Variants in PANK1 observed in about 807,000 individuals in gnomAD.
PANK1 encodes the protein pantothenic acid kinase 1.
A neutral mutation model predicts 40.1 loss-of-function variants in PANK1; 18 were observed. That is an observed-to-expected ratio of 0.45 (90% confidence interval 0.31 to 0.67). The LOEUF (loss-of-function observed/expected upper bound fraction) is 0.67. Ranked by LOEUF, PANK1 falls within the 30% of genes least tolerant of loss-of-function variation. The pLI, the probability that PANK1 is intolerant of heterozygous loss-of-function variation, is 0.06. For missense variants in PANK1, 457 were observed against 599.6 expected (o/e 0.76, Z 2.48); for synonymous variants, 242 against 237.7 (o/e 1.02, Z -0.17).
chr10:89,596,781 A>T (rs1844622709), intron 3 of PANK1, among the ~76,000 whole-genome samples: 1 of 152,256 alleles, frequency 6.6e-6, no homozygotes, highest in Non-Finnish European at 1.5e-5. Flanking sequence ...GAAACCTTCA[A>T]TTAAGTGCTC....
intron 1 of PANK1, among the ~76,000 whole-genome samples, chr10:89,621,011 C>T (rs1845467787): frequency 6.6e-6 from 1 of 152,098 alleles, no homozygotes; most frequent in Non-Finnish European, 1.5e-5. Flanking sequence ...TTAAAAAATT[C>T]CTTGTTAAGG....
At position 89,628,470 on chromosome 10, in the gene PANK1, G is replaced by A. The variant is rs950970923; in HGVS notation, c.292+16130C>T. ...TGATTTCACTCATTTGAAATGTCCA[G>A]AATAAGCAAAACTCTAGAGACAGAA... On this transcript the variant is annotated intron_variant, in intron 1 of 6. Coordinates refer to ENST00000307534, the MANE Select transcript of PANK1 (RefSeq NM_148977.3). Among the ~76,000 whole-genome samples the A allele has an allele frequency of 2.7e-5, 4 of 150,834 alleles. 1 individual carries two copies. The highest frequency in any genetic ancestry group is 5.9e-5 in the Non-Finnish European group (4 of 67,680).
rs1844579024 is a variant in PANK1, at chr10:89,595,869, T to TAA, written c.900-1881_900-1880insTT. 4.3e-5 allele frequency among the ~76,000 whole-genome samples: 5 copies of TAA among 115,452 alleles called. 1 individual carries two copies. Among genetic ancestry groups the TAA allele is most frequent in the Admixed American group, 2.7e-4 (3 of 11,188 alleles). 75.7% of individuals were successfully genotyped at this position (115,452 alleles called of 152,430 possible). On this transcript the variant is annotated intron_variant, in intron 3 of 6. Coordinates refer to ENST00000307534, the MANE Select transcript of PANK1 (RefSeq NM_148977.3). ...ATATATATATATATATATATATATA[T>TAA]ATATAACTTCATTTACTAATATATA... is the stretch of plus-strand genomic sequence containing the variant.
intron 5 of PANK1, among the ~76,000 whole-genome samples, chr10:89,591,217 T>C (rs1177901964): frequency 1.3e-5 from 2 of 152,002 alleles, no homozygotes. Context: ...TAAACAAAGA[T>C]ATATTGTAAT....
intron 1 of PANK1, among the ~76,000 whole-genome samples, chr10:89,639,544 T>C (rs1841913495): frequency 6.6e-6 from 1 of 152,236 alleles, no homozygotes; most frequent in Non-Finnish European, 1.5e-5. Context: ...CCATTATCTC[T>C]ATTCAACAGT....
intron 5 of PANK1, among the ~76,000 whole-genome samples, chr10:89,589,773 A>G (rs1214687065): frequency 6.6e-6 from 1 of 151,984 alleles, no homozygotes; most frequent in Non-Finnish European, 1.5e-5. Context: ...TTCATTAAAA[A>G]AAAAAACAAA....
chr10:89,620,121 C>T (rs1278297479), intron 1 of PANK1, among the ~76,000 whole-genome samples: 2 of 152,110 alleles, frequency 1.3e-5, no homozygotes, highest in Non-Finnish European at 2.9e-5. Context: ...GATGTATATC[C>T]CCTCAGGACC....
At chr10:89,637,532 C>T (rs1251071992) in intron 1 of PANK1, among the ~76,000 whole-genome samples, 1 of 152,074 alleles carries the variant, frequency 6.6e-6, no homozygotes, top group Non-Finnish European at 1.5e-5. Flanking sequence ...CTAAACATAC[C>T]TAAACATAGA....
At chr10:89,619,104 A>G (rs1238592375) in intron 1 of PANK1, among the ~76,000 whole-genome samples, 1 of 152,254 alleles carries the variant, frequency 6.6e-6, no homozygotes, top group Non-Finnish European at 1.5e-5. Flanking sequence ...AAAGGTATAT[A>G]GGTCCTGTTA....
intron 1 of PANK1, among the ~76,000 whole-genome samples, chr10:89,620,362 C>A (rs1845443087): frequency 6.6e-6 from 1 of 152,168 alleles, no homozygotes; most frequent in Admixed American, 6.5e-5. Context: ...CAAGGAATAA[C>A]CCTGGGAAAG....
intron 1 of PANK1, among the ~76,000 whole-genome samples, chr10:89,623,291 G>A (rs750247324): frequency 1.1e-4 from 17 of 151,902 alleles, no homozygotes; most frequent in African/African-American, 3.9e-4. Flanking sequence ...GCGCAATCTC[G>A]GCTCACTGCA....
chr10:89,610,557 A>C (rs911705457), intron 2 of PANK1, among the ~76,000 whole-genome samples: 2 of 152,182 alleles, frequency 1.3e-5, no homozygotes, highest in African/African-American at 4.8e-5. Flanking sequence ...TACTATAATC[A>C]ATGAGGTAAA....
Position 89,592,402 on chromosome 10 carries a change from T to C in PANK1, c.1200+795A>G, listed in dbSNP as rs565716668. Among the ~76,000 whole-genome samples, 3 of 152,240 alleles carry C rather than the reference T, an allele frequency of 2.0e-5. No individual in the cohort carries two copies. In the South Asian group the frequency reaches 6.2e-4, roughly 32 times the overall value. On this transcript the variant is annotated intron_variant, in intron 5 of 6. Coordinates refer to ENST00000307534, the MANE Select transcript of PANK1 (RefSeq NM_148977.3). ...TGATCTGGGTGATGGCTATACAGGG[T>C]TGCTTGTGTGTGTAAATTAAACTGT...
chr10:89,626,250 C>CTAGA (rs1845658024), intron 1 of PANK1: 1 of 151,830 alleles, frequency 6.6e-6, no homozygotes, highest in Admixed American at 6.6e-5. Flanking sequence ...TCTGCCCAAT[C>CTAGA]TAGAGGCAAT....
chr10:89,606,466 G>T (rs758542942), intron 2 of PANK1, among the ~76,000 whole-genome samples: 1 of 152,110 alleles, frequency 6.6e-6, no homozygotes, highest in South Asian at 2.1e-4. Context: ...TTAATGTTAT[G>T]GACATGGCTT....
chr10:89,593,678 C>A, intron 4 of PANK1, 135 bp downstream of exon 4: 1 of 698,976 alleles, frequency 1.4e-6, no homozygotes, highest in Non-Finnish European at 2.5e-6. Flanking sequence ...GGCAGGAGAT[C>A]AAGTCTGAGC....
intron 1 of PANK1, chr10:89,643,927 C>T: frequency 7.8e-7 from 1 of 1,284,178 alleles, no homozygotes; most frequent in African/African-American, 1.5e-5. Context: ...AAACCCTCAA[C>T]TCAACCTCCC....
At chr10:89,636,337 A>T (rs1424072406) in intron 1 of PANK1, among the ~76,000 whole-genome samples, 2 of 150,734 alleles carry the variant, frequency 1.3e-5, no homozygotes, top group African/African-American at 4.9e-5. Flanking sequence ...TATTATTATT[A>T]TTATTTTTAA....
intron 1 of PANK1, among the ~76,000 whole-genome samples, chr10:89,641,759 A>G (rs1271491129): frequency 7.7e-6 from 1 of 129,066 alleles, no homozygotes; most frequent in Non-Finnish European, 1.6e-5. Context: ...AAATAAATAA[A>G]TAAATAAATA....
Sources: allele counts gnomAD v4.1 joint callset (sites outside exome capture counted in the v4.1 genomes callset), GRCh38; gene constraint gnomAD v4.1.1; transcripts MANE v1.5; gene names NCBI Gene and HGNC (gene_info 2026-07-23, HGNC 2026-07-21).